The following FXR1 variants were observed in gnomAD, a reference collection of about 807,000 sequenced individuals.
The protein encoded by FXR1 is FMR1 autosomal homolog 1.
A neutral mutation model predicts 84.0 loss-of-function variants in FXR1; 15 were observed. The observed-to-expected ratio is 0.18, with a 90% CI of 0.12 to 0.27. The LOEUF is 0.27. Among genes scored for constraint, FXR1 ranks in the 10% least tolerant of loss-of-function variants. The probability of loss-of-function intolerance (pLI) is 1.00; values close to 1 mark genes in which losing one functional copy is unlikely to be tolerated. For synonymous variants in FXR1, 245 were observed against 250.7 expected, an observed-to-expected ratio of 0.98 and a Z score of 0.21; for missense variants, 480 against 774.4, an observed-to-expected ratio of 0.62 and a Z score of 4.51.
chr3:180,961,645 CATT>C (rs1230037451), intron 11 of FXR1, 91 bp downstream of exon 11: 4 of 612,092 alleles, frequency 6.5e-6, no homozygotes, highest in Non-Finnish European at 5.9e-6. Flanking sequence ...AATGTCCTCA[CATT>C]AAACATTTTA....
chr3:180,973,166 T>G (rs1713796630), intron 15 of FXR1, among the ~76,000 whole-genome samples: 1 of 152,248 alleles, frequency 6.6e-6, no homozygotes, highest in Non-Finnish European at 1.5e-5. Flanking sequence ...TTAAGGGGCT[T>G]GTATTATAAG....
chr3:180,931,481 A>C (rs1335189254), intron 1 of FXR1, among the ~76,000 whole-genome samples: 1 of 152,138 alleles, frequency 6.6e-6, no homozygotes, highest in African/African-American at 2.4e-5. Flanking sequence ...GGCCTCCCAA[A>C]GTGCTGGCAT....
At chr3:180,956,582 A>G (rs1290595692) in intron 9 of FXR1, among the ~76,000 whole-genome samples, 1 of 152,190 alleles carries the variant, frequency 6.6e-6, no homozygotes, top group Non-Finnish European at 1.5e-5. Flanking sequence ...TAGCAGGGTC[A>G]AGGATGGAGT....
At chr3:180,914,164 G>T (rs1319383172) in intron 1 of FXR1, among the ~76,000 whole-genome samples, 2 of 152,158 alleles carry the variant, frequency 1.3e-5, no homozygotes, top group Admixed American at 1.3e-4. Flanking sequence ...TAACATTGAC[G>T]TTCTCGGTTT....
At chr3:180,939,265 G>GT (rs1183428747) in intron 3 of FXR1, among the ~76,000 whole-genome samples, 1 of 151,970 alleles carries the variant, frequency 6.6e-6, no homozygotes, top group African/African-American at 2.4e-5. Context: ...CCGGTGGGGG[G>GT]GTGTGGGTGG....
At chr3:180,965,491 AT>A (rs1712707315) in intron 13 of FXR1, among the ~76,000 whole-genome samples, 1 of 152,072 alleles carries the variant, frequency 6.6e-6, no homozygotes, top group Non-Finnish European at 1.5e-5. Flanking sequence ...TTATTATCTT[AT>A]AGTTCTGTTG....
intron 15 of FXR1, among the ~76,000 whole-genome samples, chr3:180,975,046 AG>A (rs1714060442): frequency 6.7e-6 from 1 of 149,750 alleles, no homozygotes; most frequent in Non-Finnish European, 1.5e-5. Flanking sequence ...CCACAACATT[AG>A]GGTCAACCAG....
chr3:180,938,641 C>T (rs190236299), intron 3 of FXR1, among the ~76,000 whole-genome samples: 2 of 152,164 alleles, frequency 1.3e-5, no homozygotes, highest in East Asian at 1.9e-4. Flanking sequence ...CTCCACCTCC[C>T]GGGTTCAAGC....
chr3:180,943,265 C>CTTTT (rs71182562), intron 3 of FXR1, among the ~76,000 whole-genome samples: 3 of 27,638 alleles, frequency 1.1e-4, no homozygotes, highest in East Asian at 1.8e-3. Context: ...CTGTGCCCGG[C>CTTTT]TTTTTTTTTT....
intron 7 of FXR1, among the ~76,000 whole-genome samples, chr3:180,950,869 C>T (rs978189939): frequency 4.6e-5 from 7 of 152,170 alleles, no homozygotes; most frequent in African/African-American, 4.8e-5. Flanking sequence ...ATTTGGGTTG[C>T]TTTCACCTCT....
At chr3:180,947,819 A>T (rs1721852519) in intron 3 of FXR1, 46 bp from the exon 4 acceptor site, 1 of 1,025,644 alleles carries the variant, frequency 9.7e-7, no homozygotes, top group Non-Finnish European at 1.5e-6. Context: ...TACAGCATTG[A>T]AATCTTTTGG....
chr3:180,921,884 T>C (rs1718637907), intron 1 of FXR1, among the ~76,000 whole-genome samples: 1 of 152,194 alleles, frequency 6.6e-6, no homozygotes. Flanking sequence ...TCCGCCTCCA[T>C]ATTAGGTAAC....
rs1438152900 is a variant in FXR1, at chr3:180,933,881, C to T, written c.104+495C>T. On this transcript the variant is annotated intron_variant, in intron 2 of 16. Transcript: ENST00000357559. ...ATCCCAGCACTTTGGGAGGCCGAGG[C>T]GGGCAGATCACTTGAGGTCAGGAGT... Among the ~76,000 whole-genome samples the T allele has an allele frequency of 3.3e-5, 5 of 152,092 alleles. No homozygotes were observed. The East Asian group carries it at 9.7e-4, about 29-fold the overall frequency.
chr3:180,965,364 A>G (rs572420736), intron 13 of FXR1, among the ~76,000 whole-genome samples: 99 of 152,280 alleles, frequency 6.5e-4, no homozygotes, highest in Non-Finnish European at 1.1e-3. Context: ...TGAATCACCA[A>G]CCTGTGTTTT....
intron 14 of FXR1, 121 bp downstream of exon 14, chr3:180,968,375 A>G (rs1713107354): frequency 2.9e-6 from 2 of 685,100 alleles, no homozygotes; most frequent in Admixed American, 4.4e-5. Flanking sequence ...ATTGTCTTAG[A>G]GAAAGTAGTG....
At position 180,943,291 on chromosome 3, in the gene FXR1, T is replaced by A. The variant is rs1356334256; in HGVS notation, c.199-4574T>A. Among the ~76,000 whole-genome samples the A allele has an allele frequency of 2.2e-5, 3 of 137,542 alleles. No homozygotes were observed. The East Asian group carries it at 6.5e-4, about 30-fold the overall frequency. The allele number at this position is 137,542 out of a possible 152,430, so 90.2% of individuals were successfully genotyped here. A position where few individuals can be genotyped will look rare whatever the true frequency, so the allele number is the denominator to read the frequency against. On this transcript the variant is annotated intron_variant, in intron 3 of 16. Coordinates refer to ENST00000357559, the MANE Select transcript of FXR1 (RefSeq NM_005087.4). Reference sequence around the variant, plus strand: ...TTTTTTTTTTTTTTTTTTTTTTTTTTTAAGAAGGAGTCTTGCTCTGTCATC... The same window carrying A: ...TTTTTTTTTTTTTTTTTTTTTTTTTATAAGAAGGAGTCTTGCTCTGTCATC...
At chr3:180,950,326 GAA>G (rs1356926911) in intron 7 of FXR1, among the ~76,000 whole-genome samples, 1 of 152,146 alleles carries the variant, frequency 6.6e-6, no homozygotes, top group African/African-American at 2.4e-5. Context: ...CCTGTATCTG[GAA>G]AAGTGTTTTA....
intron 9 of FXR1, 130 bp downstream of exon 9, chr3:180,953,970 A>G: frequency 1.7e-6 from 1 of 576,934 alleles, no homozygotes; most frequent in Non-Finnish European, 3.0e-6. Flanking sequence ...TTAGATAGCA[A>G]TACTTCTTTT....
chr3:180,949,250 G>T lies in FXR1; in HGVS notation c.537G>T (p.Lys179Asn). 1 of 1,592,580 alleles carries T rather than the reference G, an allele frequency of 6.3e-7. No individual in the cohort carries two copies. The highest frequency in any genetic ancestry group is 8.6e-7 in the Non-Finnish European group (1 of 1,160,338). ...MILSASEATV[K>N]RVNILSDMHL... ...AGTCTGCCAGTGAAGCAACTGTGAAGAGAGTAAACATCTTAAGTGACATGC... is the reference window on the plus strand; with the variant it reads ...AGTCTGCCAGTGAAGCAACTGTGAATAGAGTAAACATCTTAAGTGACATGC... The change falls in exon 7 of 17, where the codon AAG (lysine) becomes AAT (asparagine). Residue 179 changes from lysine (K) to asparagine (N), a missense_variant. Transcript: ENST00000357559.
Sources: gnomAD v4.1 joint callset for allele counts (sites outside exome capture counted in the v4.1 genomes callset) on GRCh38, gnomAD v4.1.1 for gene constraint, MANE v1.5 for transcripts, NCBI Gene and HGNC (gene_info 2026-07-23, HGNC 2026-07-21) for gene names.